FAAH2: variants seen among roughly 807,000 people sequenced by gnomAD.
FAAH2 encodes the protein fatty acid amide hydrolase 2.
Under a neutral mutation model 36.9 loss-of-function variants are expected in FAAH2, and 60 were observed. That is an observed-to-expected ratio of 1.63 (90% CI 1.32 to 2.02). The LOEUF (loss-of-function observed/expected upper bound fraction) is 2.02. Ranked by LOEUF, FAAH2 falls within the 30% of genes most tolerant of loss-of-function variation. The probability of loss-of-function intolerance (pLI) is 0.00; values close to 1 mark genes in which losing one functional copy is unlikely to be tolerated. For synonymous variants in FAAH2, 214 were observed against 143.8 expected, an observed-to-expected ratio of 1.49 and a Z score of -3.49; for missense variants, 689 against 397.5, an observed-to-expected ratio of 1.73 and a Z score of -6.23.
intron 7 of FAAH2, among the ~76,000 whole-genome samples, chrX:57,401,532 A>G (rs1434350190): frequency 1.8e-5 from 2 of 111,546 alleles, no homozygotes; most frequent in African/African-American, 3.3e-5. Context: ...GAGATCTTGC[A>G]CTAACCTTCT....
At chrX:57,162,586 C>T in the FAAH2 span, among the ~76,000 whole-genome samples, 1 of 111,381 alleles carries the variant, frequency 9.0e-6, no homozygotes, top group Admixed American at 9.6e-5. Flanking sequence ...CTCTAAACTT[C>T]CCTTCTCACT....
At chrX:57,369,193 G>A (rs1386177232) in intron 5 of FAAH2, among the ~76,000 whole-genome samples, 1 of 109,682 alleles carries the variant, frequency 9.1e-6, no homozygotes, top group African/African-American at 3.3e-5. Flanking sequence ...ATAAAATAAT[G>A]TAAAAGAGCA....
the FAAH2 span, among the ~76,000 whole-genome samples, chrX:57,207,307 A>C: frequency 2.7e-5 from 3 of 111,483 alleles, no homozygotes; most frequent in Non-Finnish European, 3.8e-5. Flanking sequence ...CTTCACAATG[A>C]AAAATATAAC....
chrX:57,331,571 A>G lies in FAAH2; in HGVS notation c.413-27A>G, dbSNP rs1349847036. ...CAACTATTTTTATTTAATAATTTTT[A>G]AACATTCTTTTCTGTGACTCTTTTA... On this transcript the variant is annotated intron_variant, in intron 3 of 10. Coordinates refer to ENST00000374900, the MANE Select transcript of FAAH2 (RefSeq NM_174912.4). 3 of 1,168,893 alleles carry G rather than the reference A, an allele frequency of 2.6e-6. No homozygotes were observed. The Admixed American group carries it at 7.0e-5, about 27-fold the overall frequency.
the FAAH2 span, among the ~76,000 whole-genome samples, chrX:57,176,270 ATTG>A: frequency 1.4e-5 from 1 of 71,582 alleles, no homozygotes; most frequent in African/African-American, 1.8e-4. Context: ...ATTTCATGTA[ATTG>A]TTTTTTTTTT....
In FAAH2 at chrX:57,485,111, G is replaced by T. The variant is rs972026958; in HGVS notation, c.1424-3646G>T. 2.7e-5 allele frequency among the ~76,000 whole-genome samples: 3 copies of T among 111,871 alleles called. No homozygotes were observed. In the Admixed American group the frequency reaches 2.8e-4, roughly 11 times the overall value. On this transcript the variant is annotated intron_variant, in intron 10 of 10. Transcript: ENST00000374900. ...GTGGACCTTTCATTGGGTAGGGCAAGTCCCCAAAGTTGGAAAAATGGAAAG... is the reference window on the plus strand; with the variant it reads ...GTGGACCTTTCATTGGGTAGGGCAATTCCCCAAAGTTGGAAAAATGGAAAG...
At chrX:57,467,637 G>A (rs1453591954) in intron 10 of FAAH2, among the ~76,000 whole-genome samples, 1 of 112,087 alleles carries the variant, frequency 8.9e-6, no homozygotes. Flanking sequence ...CACAGCTCAA[G>A]GAGGCCTGCC....
the FAAH2 span, among the ~76,000 whole-genome samples, chrX:57,216,559 T>C: frequency 1.2e-4 from 6 of 48,461 alleles, no homozygotes; most frequent in African/African-American, 9.2e-4. Context: ...TGTATATATA[T>C]ATATACGTAT....
At chrX:57,329,410 G>A (rs1378754910) in intron 3 of FAAH2, among the ~76,000 whole-genome samples, 1 of 110,868 alleles carries the variant, frequency 9.0e-6, no homozygotes, top group East Asian at 2.8e-4. Context: ...GGTGAGGGTG[G>A]GTCCACTTTT....
At chrX:57,263,467 T>C in the FAAH2 span, among the ~76,000 whole-genome samples, 1 of 111,952 alleles carries the variant, frequency 8.9e-6, no homozygotes, top group Non-Finnish European at 1.9e-5. Flanking sequence ...AATAAAGAGA[T>C]ATGCCACATT....
Position 57,287,011 on chromosome X carries a change from G to A in FAAH2, c.186G>A (p.Gln62=), listed in dbSNP as rs748083936. 11 of 1,179,726 alleles carry A rather than the reference G, an allele frequency of 9.3e-6. No homozygotes were observed. In the East Asian group the frequency reaches 3.4e-4, roughly 36 times the overall value. ...SGMQLAKLIR[Q]RKVKCIDVVQ... ...TGCAGCTGGCCAAGCTGATCCGACAGAGAAAGGTGAGAATGCAATTCAGAA... is the reference window on the plus strand; with the variant it reads ...TGCAGCTGGCCAAGCTGATCCGACAAAGAAAGGTGAGAATGCAATTCAGAA... The change falls in exon 1 of 11, where the codon CAG becomes CAA. Residue 62 remains glutamine, a synonymous_variant. Coordinates refer to ENST00000374900, the MANE Select transcript of FAAH2 (RefSeq NM_174912.4).
At chrX:57,194,622 G>T in the FAAH2 span, among the ~76,000 whole-genome samples, 16 of 110,480 alleles carry the variant, frequency 1.4e-4, no homozygotes, top group African/African-American at 4.6e-4. Flanking sequence ...TTGAGGAGCA[G>T]GTGATGTTTG....
upstream of FAAH2, among the ~76,000 whole-genome samples, chrX:57,285,040 C>T (rs1008344229): frequency 1.8e-5 from 2 of 112,299 alleles, no homozygotes; most frequent in Non-Finnish European, 3.8e-5. Flanking sequence ...TTTGACAAAA[C>T]CTTTCTCTGG....
the FAAH2 span, among the ~76,000 whole-genome samples, chrX:57,146,130 G>A: frequency 9.1e-6 from 1 of 109,720 alleles, no homozygotes; most frequent in East Asian, 2.8e-4. Context: ...GATGAGAATT[G>A]CATTACATTT....
At chrX:57,406,398 G>A (rs767225384) in intron 7 of FAAH2, among the ~76,000 whole-genome samples, 2 of 111,955 alleles carry the variant, frequency 1.8e-5, no homozygotes, top group South Asian at 7.5e-4. Flanking sequence ...CTACAGTAGA[G>A]TAGGGGATGC....
chrX:57,244,887 C>T, the FAAH2 span, among the ~76,000 whole-genome samples: 1 of 111,221 alleles, frequency 9.0e-6, no homozygotes, highest in Admixed American at 9.6e-5. Flanking sequence ...CAATATTAAC[C>T]TTAAATGTAA....
intron 3 of FAAH2, among the ~76,000 whole-genome samples, chrX:57,323,691 T>G (rs1486755587): frequency 9.6e-6 from 1 of 104,639 alleles, no homozygotes; most frequent in Non-Finnish European, 2.0e-5. Context: ...TGTTTTTTTT[T>G]TTTTTTTTTT....
chrX:57,458,407 C>A (rs567465972), intron 10 of FAAH2, among the ~76,000 whole-genome samples: 2 of 111,227 alleles, frequency 1.8e-5, no homozygotes, highest in African/African-American at 3.3e-5. Flanking sequence ...GCAGGAGAAT[C>A]GCTTGAACCC....
intron 7 of FAAH2, among the ~76,000 whole-genome samples, chrX:57,411,831 C>G (rs1280719590): frequency 1.8e-5 from 2 of 112,039 alleles, no homozygotes; most frequent in Non-Finnish European, 3.8e-5. Context: ...AACATATTTA[C>G]TCTTGGAGTT....
Sources: allele counts gnomAD v4.1 joint callset (sites outside exome capture counted in the v4.1 genomes callset), GRCh38; gene constraint gnomAD v4.1.1; transcripts MANE v1.5; gene names NCBI Gene and HGNC (gene_info 2026-07-23, HGNC 2026-07-21).